Variants in AIMP1 observed in about 807,000 individuals in gnomAD.
The protein encoded by AIMP1 is aminoacyl tRNA synthetase complex interacting multifunctional protein 1, also known as aminoacyl tRNA synthase complex-interacting multifunctional protein 1.
In AIMP1, 24 loss-of-function variants were observed where a neutral mutation model predicts 33.1. The observed-to-expected ratio is 0.73, with a 90% CI of 0.53 to 1.02. The LOEUF (loss-of-function observed/expected upper bound fraction) is 1.02. AIMP1 is among the 50% of genes least tolerant of loss of function. The pLI, the probability that AIMP1 is intolerant of heterozygous loss-of-function variation, is 0.00. For missense variants in AIMP1, 367 were observed against 364.8 expected (o/e 1.01, Z -0.05); for synonymous variants, 120 against 121.5 (o/e 0.99, Z 0.08).
At chr4:106,321,778 AAGAG>A (rs1387255638) in intron 1 of AIMP1, among the ~76,000 whole-genome samples, 2 of 152,236 alleles carry the variant, frequency 1.3e-5, no homozygotes, top group African/African-American at 4.8e-5. Flanking sequence ...GGGGAAAAGA[AAGAG>A]AGATCAGATT....
At chr4:106,332,595 C>CTA (rs990424896) in intron 5 of AIMP1, among the ~76,000 whole-genome samples, 11 of 146,264 alleles carry the variant, frequency 7.5e-5, no homozygotes, top group Middle Eastern at 3.6e-3. Context: ...CCAAGTTATG[C>CTA]TATATATATA....
chr4:106,336,726 G>T, intron 5 of AIMP1, 143 bp from the exon 6 acceptor site: 1 of 806,032 alleles, frequency 1.2e-6, no homozygotes. Context: ...AACAATAAGA[G>T]ACTTTGGGCA....
At chr4:106,330,108 G>A (rs183717984) in intron 4 of AIMP1, among the ~76,000 whole-genome samples, 18 of 152,054 alleles carry the variant, frequency 1.2e-4, no homozygotes, top group Middle Eastern at 3.4e-3. Context: ...TTAATTGAGC[G>A]TCACTCATTT....
In AIMP1 at chr4:106,347,915, T is replaced by G. The variant is rs1240069674; in HGVS notation, c.*223T>G. The G allele has an allele frequency of 6.9e-5, 26 of 376,754 alleles. No homozygotes were observed. Among genetic ancestry groups the G allele is most frequent in the African/African-American group, 1.3e-4 (6 of 47,410 alleles). The allele number at this position is 376,754 out of a possible 1,614,324, so 23.3% of individuals were successfully genotyped here. ...TAATGGAGAGAGGAAGTTGCCTATG[T>G]TTTGTAATAATTTATTTTTTAGCAG... On this transcript the variant is annotated 3_prime_UTR_variant, in exon 7 of 7. Transcript: ENST00000672341.
chr4:106,320,324 G>T (rs1561020387), intron 1 of AIMP1, among the ~76,000 whole-genome samples: 1 of 152,144 alleles, frequency 6.6e-6, no homozygotes, highest in Non-Finnish European at 1.5e-5. Context: ...CTTCAACTGT[G>T]TTTCCCCCAT....
rs1325135970 is a variant in AIMP1, at chr4:106,327,492, GA to G, written c.155del (p.Asn52MetfsTer4). ...GAGGGAAGAGAAGAAACTTCGAGTT[GA>G]AAATGCTAAACTGAAGAAAGAAATT... is the stretch of plus-strand genomic sequence containing the variant. ...TLREEKKLRVENAKLKKEIEE... is the reference protein window; with the variant it reads ...TLREEKKLRVXNAKLKKEIEE... On this transcript the variant is annotated frameshift_variant, in exon 3 of 7. Coordinates refer to ENST00000672341, the MANE Select transcript of AIMP1 (RefSeq NM_001142416.2). LOFTEE classifies it high-confidence loss of function. 1 of 1,612,904 alleles carries G rather than the reference GA, an allele frequency of 6.2e-7. No homozygotes were observed. Among genetic ancestry groups the G allele is most frequent in the Admixed American group, 1.7e-5 (1 of 59,984 alleles).
At chr4:106,316,940 T>C (rs1768947651) in intron 1 of AIMP1, among the ~76,000 whole-genome samples, 1 of 152,152 alleles carries the variant, frequency 6.6e-6, no homozygotes, top group South Asian at 2.1e-4. Context: ...AGCGAATAGT[T>C]ATTAAGCGCC....
At chr4:106,325,365 A>T (rs1242103125) in intron 2 of AIMP1, among the ~76,000 whole-genome samples, 1 of 152,026 alleles carries the variant, frequency 6.6e-6, no homozygotes, top group East Asian at 1.9e-4. Context: ...TGCTGTCACT[A>T]GTAGAAATAA....
chr4:106,320,156 TATACTC>T (rs5860823), intron 1 of AIMP1, among the ~76,000 whole-genome samples: 19,553 of 152,134 alleles, frequency 0.13, 1,561 homozygotes, highest in South Asian at 0.24. Flanking sequence ...AAGGTTGACT[TATACTC>T]AATGTAAAAT....
intron 6 of AIMP1, among the ~76,000 whole-genome samples, chr4:106,345,506 G>A (rs1356061926): frequency 2.0e-5 from 3 of 152,070 alleles, no homozygotes; most frequent in Non-Finnish European, 4.4e-5. Flanking sequence ...CTTTATTTAT[G>A]GTTATTTTTT....
At chr4:106,322,699 C>T (rs1485598805) in intron 1 of AIMP1, among the ~76,000 whole-genome samples, 1 of 152,068 alleles carries the variant, frequency 6.6e-6, no homozygotes, top group Non-Finnish European at 1.5e-5. Context: ...GAAGTAGAGT[C>T]TGGGCGCCAG....
intron 6 of AIMP1, among the ~76,000 whole-genome samples, chr4:106,338,936 C>T (rs544609895): frequency 9.2e-5 from 14 of 152,254 alleles, no homozygotes; most frequent in South Asian, 2.1e-4. Flanking sequence ...TGAGACATGG[C>T]GTCAAAGGAG....
At chr4:106,334,101 C>T (rs375563948) in intron 5 of AIMP1, among the ~76,000 whole-genome samples, 13 of 152,002 alleles carry the variant, frequency 8.6e-5, no homozygotes, top group African/African-American at 2.7e-4. Context: ...TTCAACATTA[C>T]GATAGTTCTG....
In AIMP1 at chr4:106,347,626, T is replaced by A. The variant is rs1770353372; in HGVS notation, c.873T>A (p.Val291=). 1 of 1,613,170 alleles carries A rather than the reference T, an allele frequency of 6.2e-7. No homozygotes were observed. The highest frequency in any genetic ancestry group is 8.5e-7 in the Non-Finnish European group (1 of 1,179,598). The change falls in exon 7 of 7, where the codon GTT becomes GTA. Residue 291 remains valine, a synonymous_variant. Transcript: ENST00000672341. ...AGTGTGTGGCTACATACAAAGGAGT[T>A]CCCTTTGAGGTGAAAGGGAAGGGAG... ...NDECVATYKG[V]PFEVKGKGVC...
At position 106,331,872 on chromosome 4, in the gene AIMP1, C is replaced by G; in HGVS notation, c.592C>G (p.Pro198Ala). 3 of 1,613,858 alleles carry G rather than the reference C, an allele frequency of 1.9e-6. No individual in the cohort carries two copies. In the East Asian group the frequency reaches 6.7e-5, roughly 36 times the overall value. ...TVVSGLVNHVPLEQMQNRMVI... is the reference protein window; with the variant it reads ...TVVSGLVNHVALEQMQNRMVI... ...TGTCAGTGGCCTGGTGAATCATGTT[C>G]CTCTTGAACAGGTAATCTGTACAAC... Residue 198 changes from proline (P) to alanine (A), a missense_variant, in exon 5 of 7, where the codon CCT becomes GCT. By Grantham distance (27) the Pro-to-Ala change is conservative. Coordinates refer to ENST00000672341, the MANE Select transcript of AIMP1 (RefSeq NM_001142416.2).
At chr4:106,317,356 C>T (rs545032779) in intron 1 of AIMP1, among the ~76,000 whole-genome samples, 3 of 152,200 alleles carry the variant, frequency 2.0e-5, no homozygotes, top group African/African-American at 7.2e-5. Flanking sequence ...TAAATCAAGG[C>T]GAGCAGGTCA....
chr4:106,326,604 C>T (rs1216467681), intron 2 of AIMP1, among the ~76,000 whole-genome samples: 1 of 152,130 alleles, frequency 6.6e-6, no homozygotes, highest in African/African-American at 2.4e-5. Context: ...ATTAGCTTAA[C>T]TCAGACTTTA....
rs3792718 is a variant in AIMP1, at chr4:106,327,733, T to C, written c.223+169T>C. ...TGGGGGCATGGATAGAACCTACTTC[T>C]TAGAGTATGAGAATTACATGAGTTA... On this transcript the variant is annotated intron_variant, in intron 3 of 6. Coordinates refer to ENST00000672341, the MANE Select transcript of AIMP1 (RefSeq NM_001142416.2). Among the ~76,000 whole-genome samples the C allele has an allele frequency of 0.13, 19,590 of 152,194 alleles. 1,589 individuals carry two copies. The highest frequency in any genetic ancestry group is 0.24 in the South Asian group (1,159 of 4,812).
intron 5 of AIMP1, among the ~76,000 whole-genome samples, chr4:106,335,507 T>C (rs998776741): frequency 2.0e-5 from 3 of 152,140 alleles, no homozygotes; most frequent in Non-Finnish European, 4.4e-5. Flanking sequence ...CAAAATTATA[T>C]ACTCTGTTTT....
Sources: allele counts gnomAD v4.1 joint callset (sites outside exome capture counted in the v4.1 genomes callset), GRCh38; gene constraint gnomAD v4.1.1; transcripts MANE v1.5; gene names NCBI Gene and HGNC (gene_info 2026-07-23, HGNC 2026-07-21).